The following DPH6 variants were observed in gnomAD, a reference collection of about 807,000 sequenced individuals.
DPH6 encodes the protein diphthine--ammonia ligase.
A neutral mutation model predicts 38.2 loss-of-function variants in DPH6; 33 were observed. The observed-to-expected ratio is 0.86, with a 90% confidence interval of 0.65 to 1.15. DPH6 has a LOEUF of 1.15. Among genes scored for constraint, DPH6 ranks in the 50% most tolerant of loss-of-function variants. The probability of loss-of-function intolerance (pLI) is 0.00; values close to 1 mark genes in which losing one functional copy is unlikely to be tolerated. For missense variants in DPH6, 325 were observed against 320.0 expected, an observed-to-expected ratio of 1.02 and a Z score of -0.12; for synonymous variants, 108 against 103.0, an observed-to-expected ratio of 1.05 and a Z score of -0.30.
chr15:35,295,662 AC>A (rs2052009691), intron 3 of DPH6, among the ~76,000 whole-genome samples: 1 of 152,036 alleles, frequency 6.6e-6, no homozygotes, highest in African/African-American at 2.4e-5. Flanking sequence ...TCCACCCCAC[AC>A]CAATCACTCA....
chr15:35,273,081 C>T (rs561603117), intron 3 of DPH6, among the ~76,000 whole-genome samples: 1 of 152,084 alleles, frequency 6.6e-6, no homozygotes, highest in South Asian at 2.1e-4. Context: ...TCTGCAGAAC[C>T]AAGAGCCAAT....
chr15:35,487,107 C>G (rs1042952566), intron 3 of DPH6, among the ~76,000 whole-genome samples: 2 of 152,182 alleles, frequency 1.3e-5, no homozygotes, highest in African/African-American at 4.8e-5. Flanking sequence ...CCCTGTGGAT[C>G]TGTAGGGTTA....
At chr15:35,172,224 C>T in the DPH6 span, among the ~76,000 whole-genome samples, 1 of 152,214 alleles carries the variant, frequency 6.6e-6, no homozygotes, top group African/African-American at 2.4e-5. Flanking sequence ...TACATTGAAC[C>T]ACCAAAAAGC....
At chr15:35,237,440 G>A (rs1178416698) in intron 3 of DPH6, 3 of 1,604,726 alleles carry the variant, frequency 1.9e-6, no homozygotes, top group African/African-American at 1.3e-5. Flanking sequence ...AGGCCTCACA[G>A]ATGAATCTGA....
At chr15:35,168,015 C>T in the DPH6 span, among the ~76,000 whole-genome samples, 3 of 151,934 alleles carry the variant, frequency 2.0e-5, no homozygotes, top group African/African-American at 7.2e-5. Flanking sequence ...AGAAGTAAGA[C>T]CTCCATTAGC....
At chr15:35,205,366 C>T in the DPH6 span, among the ~76,000 whole-genome samples, 25 of 151,976 alleles carry the variant, frequency 1.6e-4, no homozygotes, top group Non-Finnish European at 2.4e-4. Context: ...AACACAACTG[C>T]TGTTATTTTG....
chr15:35,259,159 A>G (rs1272410047), intron 3 of DPH6, among the ~76,000 whole-genome samples: 1 of 151,760 alleles, frequency 6.6e-6, no homozygotes, highest in Non-Finnish European at 1.5e-5. Context: ...AAAAAAAAAA[A>G]AAGATTCCTA....
chr15:35,329,213 G>A (rs773263864), downstream of DPH6, among the ~76,000 whole-genome samples: 1 of 152,148 alleles, frequency 6.6e-6, no homozygotes, highest in Non-Finnish European at 1.5e-5. Flanking sequence ...TAATTACAAT[G>A]TGTATTAGCT....
At chr15:35,454,895 AAATG>A (rs1309149050) in intron 3 of DPH6, 75 bp from the exon 4 acceptor site, 22 of 1,108,346 alleles carry the variant, frequency 2.0e-5, no homozygotes, top group Non-Finnish European at 1.3e-5. Context: ...TGAAAATTAT[AAATG>A]AACTGTGTCT....
chr15:35,186,551 C>T, the DPH6 span, among the ~76,000 whole-genome samples: 1 of 152,316 alleles, frequency 6.6e-6, no homozygotes, highest in East Asian at 1.9e-4. Flanking sequence ...AGGCTGCTAG[C>T]TCTTCTCTGG....
chr15:35,172,972 A>G, the DPH6 span, among the ~76,000 whole-genome samples: 1 of 152,208 alleles, frequency 6.6e-6, no homozygotes, highest in Non-Finnish European at 1.5e-5. Flanking sequence ...CATTTCATAA[A>G]GACTTTTATA....
intron 1 of DPH6, among the ~76,000 whole-genome samples, chr15:35,543,856 G>A (rs758542244): frequency 3.9e-5 from 6 of 152,178 alleles, no homozygotes; most frequent in Admixed American, 3.3e-4. Flanking sequence ...AGGATAAAAA[G>A]ATATGACTAA....
chr15:35,483,776 G>A (rs926649148), intron 3 of DPH6, among the ~76,000 whole-genome samples: 2 of 151,996 alleles, frequency 1.3e-5, no homozygotes, highest in African/African-American at 2.4e-5. Context: ...AGCCAAAAAT[G>A]GAAACAATTC....
At chr15:35,285,871 A>ATTTTTTTTTTTTTTTTTTT (rs1566859769) in intron 3 of DPH6, among the ~76,000 whole-genome samples, 11 of 2,850 alleles carry the variant, frequency 3.9e-3, no homozygotes, top group East Asian at 0.031. Context: ...TTTATCTTTG[A>ATTTTTTTTTTTTTTTTTTT]GTTTTTTTTT....
intron 3 of DPH6, among the ~76,000 whole-genome samples, chr15:35,223,559 G>A (rs185799796): frequency 3.3e-5 from 5 of 152,218 alleles, no homozygotes; most frequent in Admixed American, 3.3e-4. Context: ...GGTGGTGGAC[G>A]CCTGTAGTCC....
downstream of DPH6, among the ~76,000 whole-genome samples, chr15:35,368,850 G>T (rs1016136607): frequency 6.7e-6 from 1 of 149,554 alleles, no homozygotes; most frequent in Admixed American, 6.7e-5. Context: ...TCAGAAATAA[G>T]AACCTAGAGT....
intron 3 of DPH6, among the ~76,000 whole-genome samples, chr15:35,495,170 T>A (rs1343145768): frequency 6.6e-6 from 1 of 152,206 alleles, no homozygotes; most frequent in African/African-American, 2.4e-5. Context: ...AGATGGTGAC[T>A]GTATTTGGAG....
rs58549209 is a variant in DPH6, at chr15:35,473,913, AGTGTGTGT to A, written c.313-19101_313-19094del. On this transcript the variant is annotated intron_variant, in intron 3 of 8. Transcript: ENST00000256538. ...AGGCAAGCGATAGAACACTGTGCAC[AGTGTGTGT>A]GTGTGTGTGTGTGTGTGTGTGTGTG... is the stretch of plus-strand genomic sequence containing the variant. Among the ~76,000 whole-genome samples, 687 of 126,858 alleles carry A rather than the reference AGTGTGTGT, an allele frequency of 5.4e-3. 5 individuals carry two copies. Among genetic ancestry groups the A allele is most frequent in the African/African-American group, 0.017 (633 of 38,128 alleles). The allele number at this position is 126,858 out of a possible 152,430, so 83.2% of individuals were successfully genotyped here. A position where few individuals can be genotyped will look rare whatever the true frequency, so the allele number is the denominator to read the frequency against.
chr15:35,251,243 A>G (rs915199068), intron 3 of DPH6, among the ~76,000 whole-genome samples: 2 of 152,318 alleles, frequency 1.3e-5, no homozygotes, highest in Admixed American at 6.5e-5. Context: ...ATACAAGTGC[A>G]GGTTTGTTAC....
Sources: allele counts gnomAD v4.1 joint callset (sites outside exome capture counted in the v4.1 genomes callset), GRCh38; gene constraint gnomAD v4.1.1; transcripts MANE v1.5; gene names NCBI Gene and HGNC (gene_info 2026-07-23, HGNC 2026-07-21).